Variants in NFIB observed in about 807,000 individuals in gnomAD.
NFIB encodes nuclear factor 1 B-type.
In NFIB, 11 loss-of-function variants were observed where a neutral mutation model predicts 61.5. The observed-to-expected ratio is 0.18, with a 90% CI of 0.11 to 0.30. The LOEUF (loss-of-function observed/expected upper bound fraction) is 0.30, where lower values mean the gene tolerates loss of function less well. Among genes scored for constraint, NFIB ranks in the 10% least tolerant of loss-of-function variants. NFIB has a pLI of 1.00. For synonymous variants in NFIB, 260 were observed against 216.5 expected, an observed-to-expected ratio of 1.20 and a Z score of -1.76; for missense variants, 471 against 608.9, an observed-to-expected ratio of 0.77 and a Z score of 2.38.
At chr9:14,336,466 G>A (rs188616221) in intron 1 of NFIB, among the ~76,000 whole-genome samples, 4 of 152,322 alleles carry the variant, frequency 2.6e-5, no homozygotes, top group African/African-American at 7.2e-5. Context: ...GGTGGAAGGT[G>A]GGAAGGAGGA....
chr9:14,359,625 T>G (rs1588365817), intron 1 of NFIB, among the ~76,000 whole-genome samples: 1 of 152,216 alleles, frequency 6.6e-6, no homozygotes, highest in African/African-American at 2.4e-5. Flanking sequence ...AAATTTGTTA[T>G]GGGAGCCATA....
In NFIB at chr9:14,146,887, T is replaced by C. The variant is rs1587015440; in HGVS notation, c.807-80A>G. The stretch of plus-strand genomic sequence containing the variant: ...TTTTAAAGTAAATGATCTGAGAAGA[T>C]CCTTACTGTGAAAATTTTCATAAGC... On this transcript the variant is annotated intron_variant, in intron 5 of 10. Transcript: ENST00000380953. 7.1e-6 allele frequency: 11 copies of C among 1,558,856 alleles called. No individual in the cohort carries two copies. In the South Asian group the frequency reaches 1.3e-4, roughly 19 times the overall value.
Position 14,323,794 on chromosome 9 carries a change from T to A in NFIB, c.109-16274A>T, listed in dbSNP as rs1329691661. 2.0e-5 allele frequency among the ~76,000 whole-genome samples: 3 copies of A among 152,286 alleles called. No individual in the cohort carries two copies. The East Asian group carries it at 5.8e-4, about 29-fold the overall frequency. On this transcript the variant is annotated intron_variant, in intron 1 of 8. Coordinates refer to the NFIB transcript ENST00000380934. ...CCTCCTACAACACGCAGTATTTTTT[T>A]TTAAAAAAAGGCATGGCCTTATTAC...
At chr9:14,188,128 C>A (rs945800997) in intron 2 of NFIB, among the ~76,000 whole-genome samples, 22 of 152,180 alleles carry the variant, frequency 1.4e-4, no homozygotes, top group Admixed American at 1.4e-3. Context: ...CCGTACTGGT[C>A]ATTGTCAAGA....
chr9:14,398,640 C>T (rs1361898685), exon 1 of NFIB: 11 of 1,518,446 alleles, frequency 7.2e-6, no homozygotes, highest in Middle Eastern at 1.7e-4. Flanking sequence ...ATACTCCGAA[C>T]GGATTCCCGA....
At chr9:14,323,721 T>C (rs2060714277) in intron 1 of NFIB, among the ~76,000 whole-genome samples, 3 of 152,242 alleles carry the variant, frequency 2.0e-5, no homozygotes, top group Non-Finnish European at 4.4e-5. Context: ...TCAATTATGT[T>C]TACCCTCAAA....
At chr9:14,462,746 C>T in the NFIB span, among the ~76,000 whole-genome samples, 1,156 of 152,270 alleles carry the variant, frequency 7.6e-3, 23 homozygotes, top group African/African-American at 0.027. Flanking sequence ...GCGTTCCTGA[C>T]CACAGGGACT....
intron 6 of NFIB, among the ~76,000 whole-genome samples, chr9:14,138,063 T>C (rs772517925): frequency 1.3e-5 from 2 of 152,164 alleles, no homozygotes; most frequent in Non-Finnish European, 2.9e-5. Context: ...ATGGGTTTCT[T>C]CAGCAAGAGA....
intron 1 of NFIB, among the ~76,000 whole-genome samples, chr9:14,343,218 G>A (rs2060973529): frequency 6.6e-6 from 1 of 152,154 alleles, no homozygotes; most frequent in Non-Finnish European, 1.5e-5. Flanking sequence ...ACCATCCTTG[G>A]AGAAGTTTCG....
intron 2 of NFIB, among the ~76,000 whole-genome samples, chr9:14,280,372 T>C (rs929037544): frequency 1.3e-5 from 2 of 152,104 alleles, no homozygotes; most frequent in South Asian, 2.1e-4. Context: ...CACATTCAAG[T>C]GTTTAAAAGA....
chr9:14,435,089 C>A, the NFIB span, among the ~76,000 whole-genome samples: 1 of 152,232 alleles, frequency 6.6e-6, no homozygotes, highest in Non-Finnish European at 1.5e-5. Flanking sequence ...CATCTTCCGT[C>A]TATGGCCACA....
chr9:14,509,331 C>G, the NFIB span, among the ~76,000 whole-genome samples: 1 of 152,188 alleles, frequency 6.6e-6, no homozygotes, highest in Admixed American at 6.5e-5. Flanking sequence ...TAATCTTTCT[C>G]CACACACTTT....
chr9:14,130,335 T>G (rs2040258616), intron 6 of NFIB, among the ~76,000 whole-genome samples: 3 of 152,212 alleles, frequency 2.0e-5, no homozygotes, highest in Admixed American at 2.0e-4. Context: ...AGGAGAAATA[T>G]GTTTTTAACT....
Position 14,083,042 on chromosome 9 carries a change from G to C in NFIB, c.*5267C>G, listed in dbSNP as rs2118340265. The C allele has an allele frequency of 5.0e-6, 1 of 201,834 alleles. No individual in the cohort carries two copies. The highest frequency in any genetic ancestry group is 1.9e-4 in the South Asian group (1 of 5,134). 12.5% of individuals were successfully genotyped at this position (201,834 alleles called of 1,614,324 possible). On this transcript the variant is annotated 3_prime_UTR_variant, in exon 11 of 11. Transcript: ENST00000380953. ...CTTTTCACAATCTCAACATACATTT[G>C]AATTGCAACACACAGATATTTCTAG...
chr9:14,088,003 G>T lies in NFIB; in HGVS notation c.*306C>A. ...GATCTACCATCAGTGAAATATCATCGACCCTTTTTATGTCATTACAGTTTC... is the reference window on the plus strand; with the variant it reads ...GATCTACCATCAGTGAAATATCATCTACCCTTTTTATGTCATTACAGTTTC... On this transcript the variant is annotated 3_prime_UTR_variant, in exon 11 of 11. Transcript: ENST00000380953. 2 of 375,104 alleles carry T rather than the reference G, an allele frequency of 5.3e-6. No individual in the cohort carries two copies. The highest frequency in any genetic ancestry group is 8.9e-6 in the Non-Finnish European group (2 of 225,414). 23.2% of individuals were successfully genotyped at this position (375,104 alleles called of 1,614,324 possible).
chr9:14,206,294 G>A (rs988843030), intron 2 of NFIB, among the ~76,000 whole-genome samples: 5 of 150,796 alleles, frequency 3.3e-5, no homozygotes, highest in Non-Finnish European at 5.9e-5. Context: ...CTCCCACCTC[G>A]GCCTCTTGAG....
intron 6 of NFIB, among the ~76,000 whole-genome samples, chr9:14,139,853 T>G (rs1003951669): frequency 6.6e-6 from 1 of 152,214 alleles, no homozygotes; most frequent in Non-Finnish European, 1.5e-5. Context: ...TACAGCAGTG[T>G]AGCAGTGTAG....
In NFIB at chr9:14,205,030, A is replaced by T. The variant is rs940802890; in HGVS notation, c.563-25250T>A. 27 of 267,194 alleles carry T rather than the reference A, an allele frequency of 1.0e-4. No homozygotes were observed. In the Admixed American group the frequency reaches 1.0e-3, roughly 10 times the overall value. 16.6% of individuals were successfully genotyped at this position (267,194 alleles called of 1,614,324 possible). ...AAAGGCAAAAGCTAAAGAACTTGCC[A>T]CCAAACTGGGTTAAATGTACACTGT... On this transcript the variant is annotated intron_variant, in intron 2 of 10. Coordinates refer to ENST00000380953, the MANE Select transcript of NFIB (RefSeq NM_001190737.2).
At chr9:14,259,045 G>T (rs949120277) in intron 2 of NFIB, among the ~76,000 whole-genome samples, 3 of 152,228 alleles carry the variant, frequency 2.0e-5, no homozygotes, top group Non-Finnish European at 4.4e-5. Context: ...TCAAATTTGT[G>T]GTTTTGCCTT....
Sources: allele counts gnomAD v4.1 joint callset (sites outside exome capture counted in the v4.1 genomes callset), GRCh38; gene constraint gnomAD v4.1.1; transcripts MANE v1.5; gene names NCBI Gene and HGNC (gene_info 2026-07-23, HGNC 2026-07-21).